SLC25A45: variants seen among roughly 807,000 people sequenced by gnomAD.
SLC25A45 encodes methylated amino-acid transporter SLC25A45.
A neutral mutation model predicts 23.0 loss-of-function variants in SLC25A45; 22 were observed. That is an observed-to-expected ratio of 0.95 (90% CI 0.68 to 1.36). The LOEUF is 1.36. Among genes scored for constraint, SLC25A45 ranks in the 40% most tolerant of loss-of-function variants. The pLI is 0.00. For synonymous variants in SLC25A45, 136 were observed against 155.0 expected (o/e 0.88, Z 0.91); for missense variants, 355 against 383.5 (o/e 0.93, Z 0.62).
chr11:65,375,799 A>G lies in SLC25A45; in HGVS notation c.*608T>C, dbSNP rs1855127571. The G allele has an allele frequency of 6.5e-6, 1 of 153,006 alleles. No homozygotes were observed. The highest frequency in any genetic ancestry group is 2.4e-5 in the African/African-American group (1 of 41,410). 9.5% of individuals were successfully genotyped at this position (153,006 alleles called of 1,614,324 possible). On this transcript the variant is annotated 3_prime_UTR_variant, in exon 7 of 7. Transcript: ENST00000398802. ...TGAAGGCAGCCGGGCGCGGTGGCTC[A>G]CGCCTGTAATCCCAGCACTTTGAGA...
chr11:65,380,572 TGTC>T, intron 2 of SLC25A45: 1 of 1,304,256 alleles, frequency 7.7e-7, no homozygotes, highest in Non-Finnish European at 1.0e-6. Context: ...CAACTCATAA[TGTC>T]GTCGCCGGGA....
chr11:65,379,845 C>A, intron 4 of SLC25A45, 22 bp downstream of exon 4: 2 of 1,613,988 alleles, frequency 1.2e-6, no homozygotes, highest in Non-Finnish European at 1.7e-6. Flanking sequence ...GGGGAAGGAC[C>A]CCAAAGGAGT....
At chr11:65,378,773 C>T (rs1457252899) in intron 5 of SLC25A45, 1 of 152,906 alleles carries the variant, frequency 6.5e-6, no homozygotes, top group Non-Finnish European at 1.5e-5. Flanking sequence ...TCACAGGACC[C>T]ATTCAGCACC....
chr11:65,377,181 T>A lies in SLC25A45; in HGVS notation c.340-105A>T, dbSNP rs150870401. 606 of 1,476,294 alleles carry A rather than the reference T, an allele frequency of 4.1e-4. 11 individuals carry two copies. The African/African-American group carries it at 7.8e-3, about 19-fold the overall frequency. 91.4% of individuals were successfully genotyped at this position (1,476,294 alleles called of 1,614,324 possible). Reference sequence around the variant, plus strand: ...GCAGGCAGGGGGCCACATCTTCCAGTCCCTCAGGAACCCTGCCGGCACCCA... The same window carrying A: ...GCAGGCAGGGGGCCACATCTTCCAGACCCTCAGGAACCCTGCCGGCACCCA... On this transcript the variant is annotated intron_variant, in intron 5 of 6. Transcript: ENST00000398802.
chr11:65,378,318 C>T (rs1460669450), intron 5 of SLC25A45: 1 of 152,212 alleles, frequency 6.6e-6, no homozygotes, highest in Admixed American at 6.5e-5. Flanking sequence ...TCTTCCCACT[C>T]CACACTAAAA....
intron 4 of SLC25A45, 57 bp from the exon 5 acceptor site, chr11:65,379,618 C>G: frequency 6.6e-7 from 1 of 1,518,308 alleles, no homozygotes. Context: ...CCTTTGTCCT[C>G]TCCACCCCTG....
chr11:65,379,550 G>A lies in SLC25A45; in HGVS notation c.165C>T (p.Phe55=), dbSNP rs555800250. The A allele has an allele frequency of 6.2e-7, 1 of 1,609,134 alleles. No individual in the cohort carries two copies. The highest frequency in any genetic ancestry group is 1.1e-5 in the South Asian group (1 of 90,860). The change falls in exon 5 of 7, where the codon TTC becomes TTT. Residue 55 remains phenylalanine (F), a synonymous_variant. Transcript: ENST00000398802. ...KIYRHESLLG[F]FKGMSFPIAS... is the part of the protein sequence containing the mutation. ...CAATGGGGAAGCTCATTCCCTTGAA[G>A]AAGCCCAGGAGCTGCAGAGAGACAC...
At chr11:65,379,149 G>T (rs1450098455) in intron 5 of SLC25A45, 1 of 558,318 alleles carries the variant, frequency 1.8e-6, no homozygotes, top group Non-Finnish European at 3.2e-6. Flanking sequence ...GCTTCTCCCA[G>T]CACCCTCTTG....
In SLC25A45 at chr11:65,375,987, G is replaced by A. The variant is rs1590624295; in HGVS notation, c.*420C>T. 1.7e-5 allele frequency: 3 copies of A among 176,306 alleles called. No individual in the cohort carries two copies. The highest frequency in any genetic ancestry group is 1.5e-4 in the East Asian group (1 of 6,558). The allele number at this position is 176,306 out of a possible 1,614,324, so 10.9% of individuals were successfully genotyped here. A position where few individuals can be genotyped will look rare whatever the true frequency, so the allele number is the denominator to read the frequency against. On this transcript the variant is annotated 3_prime_UTR_variant, in exon 7 of 7. Transcript: ENST00000398802. ...TGAGGCAGGAGAGTTGCTTGAACCC[G>A]GAAGGTGGAAAGGCGGAGGTTGCAG...
rs1855423375 is a variant in SLC25A45, at chr11:65,379,485, TA to T, written c.229del (p.Tyr77IlefsTer28). The stretch of plus-strand genomic sequence containing the variant: ...CGTGAGCACCAGCAGGGTGTTGCTA[TA>T]GACCCCAAACAGGACAGAGTTGACC... ...AVVNSVLFGV[Y>X]SNTLLVLTAT... On this transcript the variant is annotated frameshift_variant, in exon 5 of 7. Transcript: ENST00000398802. LOFTEE classifies it high-confidence loss of function. The T allele has an allele frequency of 6.2e-7, 1 of 1,614,004 alleles. No individual in the cohort carries two copies. Among genetic ancestry groups the T allele is most frequent in the African/African-American group, 1.3e-5 (1 of 74,922 alleles).
chr11:65,379,709 G>T, intron 4 of SLC25A45, 148 bp from the exon 5 acceptor site: 1 of 1,240,286 alleles, frequency 8.1e-7, no homozygotes, highest in Non-Finnish European at 1.1e-6. Flanking sequence ...CTGAGGCTGC[G>T]CCTCTGGGGT....
At chr11:65,379,250 G>C (rs909811492) in intron 5 of SLC25A45, 126 bp downstream of exon 5, 1 of 1,106,212 alleles carries the variant, frequency 9.0e-7, no homozygotes, top group Admixed American at 2.1e-5. Context: ...CATAGCACAG[G>C]CCTCTTGTTC....
intron 5 of SLC25A45, chr11:65,377,508 G>T: frequency 2.6e-6 from 2 of 756,508 alleles, no homozygotes; most frequent in Non-Finnish European, 3.2e-6. Flanking sequence ...GGTGAAGGAG[G>T]TCCCCTCGTG....
At chr11:65,377,463 G>T in intron 5 of SLC25A45, 1 of 1,002,492 alleles carries the variant, frequency 1.0e-6, no homozygotes, top group Non-Finnish European at 1.2e-6. Context: ...TTCAGCCTGT[G>T]ACTGTGAAAT....
rs7108281 is a variant in SLC25A45 at position 65,376,522 on chromosome 11, C to T, written c.752G>A (p.Arg251Gln). 3,856 of 1,614,180 alleles carry T rather than the reference C, an allele frequency of 2.4e-3. 92 individuals are homozygous for T. The African/African-American group carries it at 0.045, about 19-fold the overall frequency. Reference sequence around the variant, plus strand: ...GAAGAAGACTCCCAGTCCTTCCTGCCGGATGCTGCTCACCATGCAGTCCAG... The same window carrying T: ...GAAGAAGACTCCCAGTCCTTCCTGCTGGATGCTGCTCACCATGCAGTCCAG... ...GMLDCMVSSIRQEGLGVFFRG... is the reference protein window; with the variant it reads ...GMLDCMVSSIQQEGLGVFFRG... Residue 251 changes from arginine (R) to glutamine (Q), a missense_variant, in exon 7 of 7, where the codon CGG (arginine) becomes CAG (glutamine). Coordinates refer to ENST00000398802, the MANE Select transcript of SLC25A45 (RefSeq NM_182556.4).
Position 65,376,865 on chromosome 11 carries a change from G to T in SLC25A45, c.551C>A (p.Thr184Asn). The T allele has an allele frequency of 6.2e-7, 1 of 1,614,206 alleles. No homozygotes were observed. Among genetic ancestry groups the T allele is most frequent in the Non-Finnish European group, 8.5e-7 (1 of 1,180,030 alleles). Residue 184 changes from threonine to asparagine, a missense_variant, in exon 6 of 7, where the codon ACC becomes AAC. Physicochemically the swap from Thr to Asn is moderately conservative, Grantham distance 65. Transcript: ENST00000398802. The stretch of plus-strand genomic sequence containing the variant: ...GTACTGGCGACAGAGCCCTTCATAG[G>T]TGATGAAGTAGATCCCCACCGTGGG... Reference protein sequence around the residue: ...DTPTVGIYFITYEGLCRQYTP... With the variant: ...DTPTVGIYFINYEGLCRQYTP...
chr11:65,380,674 C>A lies in SLC25A45; in HGVS notation c.38-499G>T, dbSNP rs753429229. ...CTGGGCACCTGCAGAGGAGCTTCTC[C>A]CCTCCCCTCCACCTGCCCACTGCCT... is the stretch of plus-strand genomic sequence containing the variant. On this transcript the variant is annotated intron_variant, in intron 2 of 6. Coordinates refer to ENST00000398802, the MANE Select transcript of SLC25A45 (RefSeq NM_182556.4). The A allele has an allele frequency of 3.5e-6, 4 of 1,154,098 alleles. No homozygotes were observed. In the East Asian group the frequency reaches 2.3e-4, roughly 67 times the overall value. The allele number at this position is 1,154,098 out of a possible 1,614,324, so 71.5% of individuals were successfully genotyped here.
At position 65,381,286 on chromosome 11, in the gene SLC25A45, G is replaced by A. The variant is rs186571147; in HGVS notation, c.37+629C>T. On this transcript the variant is annotated intron_variant, in intron 2 of 6. Transcript: ENST00000398802. The stretch of plus-strand genomic sequence containing the variant: ...GTTGGGACCACAGGCGTGCGCCACC[G>A]CGCCTGGCTAATTTTTGTATTTTTA... The A allele has an allele frequency of 1.5e-3, 233 of 153,606 alleles. No individual in the cohort carries two copies. The South Asian group carries it at 0.016, about 10-fold the overall frequency. The allele number at this position is 153,606 out of a possible 1,614,324, so 9.5% of individuals were successfully genotyped here. A position where few individuals can be genotyped will look rare whatever the true frequency, so the allele number is the denominator to read the frequency against.
Position 65,375,409 on chromosome 11 carries a change from G to A in SLC25A45, c.*998C>T, listed in dbSNP as rs542480465. On this transcript the variant is annotated 3_prime_UTR_variant, in exon 7 of 7. Coordinates refer to ENST00000398802, the MANE Select transcript of SLC25A45 (RefSeq NM_182556.4). ...CCCCAAAGTCAGCCTCAGGTGGGGA[G>A]GTAAGTCAAGGAAGGGTGAGGGGAC... 5.2e-5 allele frequency: 8 copies of A among 152,536 alleles called. No homozygotes were observed. The highest frequency in any genetic ancestry group is 1.7e-4 in the African/African-American group (7 of 41,570). The allele number at this position is 152,536 out of a possible 1,614,324, so 9.4% of individuals were successfully genotyped here.
Sources: allele counts gnomAD v4.1 joint callset, GRCh38; gene constraint gnomAD v4.1.1; transcripts MANE v1.5; gene names NCBI Gene and HGNC (gene_info 2026-07-23, HGNC 2026-07-21).